The following BEST1 variants were observed in gnomAD, a reference collection of about 807,000 sequenced individuals.
The protein encoded by BEST1 is bestrophin 1.
In BEST1, 58 loss-of-function variants were observed where a neutral mutation model predicts 63.3. That is an observed-to-expected ratio of 0.92 (90% CI 0.74 to 1.14). BEST1 has a LOEUF of 1.14. Ranked by LOEUF, BEST1 falls within the 50% of genes most tolerant of loss-of-function variation. BEST1 has a pLI of 0.00. For synonymous variants in BEST1, 283 were observed against 291.6 expected (o/e 0.97, Z 0.30); for missense variants, 671 against 740.1 (o/e 0.91, Z 1.08).
intron 4 of BEST1, 30 bp downstream of exon 4, chr11:61,955,981 C>T (rs1364669662): frequency 2.6e-6 from 4 of 1,535,556 alleles, no homozygotes; most frequent in South Asian, 1.2e-5. Context: ...CGGGGAGGCA[C>T]CGGGCAGAGC....
intron 2 of BEST1, chr11:61,954,694 C>T: frequency 1.5e-6 from 1 of 670,248 alleles, no homozygotes; most frequent in Non-Finnish European, 1.8e-6. Context: ...AACTCTTGGT[C>T]CTGCCTTAGC....
downstream of BEST1, chr11:61,965,081 A>G: frequency 6.2e-7 from 1 of 1,607,822 alleles, no homozygotes; most frequent in Non-Finnish European, 8.5e-7. Context: ...CATTGCATTC[A>G]GCCCGCTCTC....
downstream of BEST1, chr11:61,964,701 C>G: frequency 6.3e-7 from 1 of 1,597,068 alleles, no homozygotes; most frequent in Non-Finnish European, 8.5e-7. Context: ...AGTCACCCCA[C>G]GGCTATGGGG....
Position 61,959,907 on chromosome 11 carries a change from G to A in BEST1, c.964G>A (p.Val322Met). The A allele has an allele frequency of 6.2e-7, 1 of 1,613,852 alleles. No individual in the cohort carries two copies. Among genetic ancestry groups the A allele is most frequent in the Non-Finnish European group, 8.5e-7 (1 of 1,179,890 alleles). The change falls in exon 9 of 11, where the codon GTG (valine) becomes ATG (methionine). Residue 322 changes from valine (V) to methionine (M), a missense_variant. Val to Met is a conservative substitution (Grantham distance 21). Coordinates refer to ENST00000378043, the MANE Select transcript of BEST1 (RefSeq NM_004183.4). The part of the protein sequence containing the change: ...DRNLQVSLLA[V>M]DEMHQDLPRM... ...TGGTGACCAGGTGTCCCTGTTGGCT[G>A]TGGATGAGATGCACCAGGACCTGCC... is the stretch of plus-strand genomic sequence containing the variant.
chr11:61,956,980 G>A lies in BEST1; in HGVS notation c.618G>A (p.Leu206=), dbSNP rs62641693. The change falls in exon 5 of 11, where the codon CTG becomes CTA. Residue 206 remains leucine, a synonymous_variant. Coordinates refer to ENST00000378043, the MANE Select transcript of BEST1 (RefSeq NM_004183.4). ...WLGGRIRDPI[L]LQSLLNEMNT... is the part of the protein sequence containing the mutation. ...GAGGTCGAATCCGGGACCCTATCCT[G>A]CTCCAGAGCCTGCTGAACGTGAGCC... The A allele has an allele frequency of 3.1e-3, 4,981 of 1,614,150 alleles. 112 individuals are homozygous for A. The African/African-American group carries it at 0.054, about 18-fold the overall frequency.
intron 2 of BEST1, among the ~76,000 whole-genome samples, chr11:61,953,544 T>C (rs1283678566): frequency 6.6e-6 from 1 of 152,150 alleles, no homozygotes; most frequent in Non-Finnish European, 1.5e-5. Flanking sequence ...ACCCAATCTC[T>C]ACTAAAAATA....
Position 61,964,190 on chromosome 11 carries a change from T to C in BEST1, c.*68T>C. On this transcript the variant is annotated 3_prime_UTR_variant, in exon 11 of 11. Coordinates refer to ENST00000378043, the MANE Select transcript of BEST1 (RefSeq NM_004183.4). ...TGTGTGTACACCAGCAGGACACTGA[T>C]CCAGTCACAGCCATACAGCTGTCCA... 1 of 1,610,998 alleles carries C rather than the reference T, an allele frequency of 6.2e-7. No homozygotes were observed. Among genetic ancestry groups the C allele is most frequent in the Non-Finnish European group, 8.5e-7 (1 of 1,179,018 alleles).
intron 2 of BEST1, chr11:61,954,791 G>A: frequency 1.0e-6 from 1 of 984,732 alleles, no homozygotes; most frequent in Non-Finnish European, 1.2e-6. Flanking sequence ...ACTGACCCTT[G>A]GCTGCATTCA....
chr11:61,954,923 G>A, intron 2 of BEST1, 184 bp from the exon 3 acceptor site: 1 of 985,396 alleles, frequency 1.0e-6, no homozygotes, highest in Non-Finnish European at 1.2e-6. Flanking sequence ...TCCTGTCCGG[G>A]TTTGGGGCTG....
chr11:61,957,328 C>T (rs775948567), intron 5 of BEST1, 59 bp from the exon 6 acceptor site: 83 of 1,500,574 alleles, frequency 5.5e-5, no homozygotes, highest in Middle Eastern at 1.7e-4. Flanking sequence ...GAGGTGGGGG[C>T]GAGCCCAGGG....
intron 7 of BEST1, 75 bp from the exon 8 acceptor site, chr11:61,959,423 A>G (rs1271870823): frequency 7.1e-7 from 1 of 1,410,892 alleles, no homozygotes; most frequent in Admixed American, 1.7e-5. Context: ...AAATAGCAGC[A>G]GCTGAGGTTT....
At position 61,955,209 on chromosome 11, in the gene BEST1, C is replaced by T. The variant is rs754401867; in HGVS notation, c.247+8C>T. The T allele has an allele frequency of 6.2e-7, 1 of 1,614,164 alleles. No individual in the cohort carries two copies. The highest frequency in any genetic ancestry group is 1.1e-5 in the South Asian group (1 of 91,080). ...CCATTTCCTTCGTGCTGGGTGAGTT[C>T]CCCCTTCTGGCTGTTCCGGGTCCCT... On this transcript the variant is annotated splice_region_variant and intron_variant, in intron 3 of 10. Coordinates refer to ENST00000378043, the MANE Select transcript of BEST1 (RefSeq NM_004183.4).
chr11:61,955,330 C>A, intron 3 of BEST1, 129 bp downstream of exon 3: 3 of 1,545,538 alleles, frequency 1.9e-6, no homozygotes, highest in Non-Finnish European at 2.6e-6. Flanking sequence ...GGCAGGTCGG[C>A]GCCTCTCTGT....
chr11:61,958,150 T>G lies in BEST1; in HGVS notation c.719T>G (p.Val240Gly). The G allele has an allele frequency of 1.0e-6, 1 of 964,234 alleles. No individual in the cohort carries two copies. The highest frequency in any genetic ancestry group is 1.5e-6 in the Non-Finnish European group (1 of 673,864). 59.7% of individuals were successfully genotyped at this position (964,234 alleles called of 1,614,324 possible). A position where few individuals can be genotyped will look rare whatever the true frequency, so the allele number is the denominator to read the frequency against. Residue 240 changes from valine (V) to glycine (G), a missense_variant, in exon 7 of 11, where the codon GTG becomes GGG. Val to Gly is a moderately radical substitution (Grantham distance 109). Coordinates refer to ENST00000378043, the MANE Select transcript of BEST1 (RefSeq NM_004183.4). ...ISIPLVYTQV[V>G]TVAVYSFFLT... ...ACATCCTCCTCCTCCTCCCAGGTGG[T>G]GACTGTGGCGGTGTACAGCTTCTTC... is the stretch of plus-strand genomic sequence containing the variant.
At chr11:61,958,912 ACACACACACACG>A (rs879848725) in intron 7 of BEST1, 12,792 of 226,964 alleles carry the variant, frequency 0.056, 1,927 homozygotes, top group South Asian at 0.25. Flanking sequence ...ACACATACAC[ACACACACACACG>A]CATTCCTATT....
chr11:61,955,612 G>A, intron 3 of BEST1, 106 bp from the exon 4 acceptor site: 4 of 1,308,162 alleles, frequency 3.1e-6, no homozygotes, highest in Non-Finnish European at 4.2e-6. Context: ...GGCTAGGCCC[G>A]CTCGCAGCAG....
Position 61,962,244 on chromosome 11 carries a change from T to C in BEST1, c.1101-11T>C, listed in dbSNP as rs578261494. Reference sequence around the variant, plus strand: ...CACTGGCTCAGCCCTGCATCTCCTGTTTCTTTCCAGCCTGAACAAAGAGGA... The same window carrying C: ...CACTGGCTCAGCCCTGCATCTCCTGCTTCTTTCCAGCCTGAACAAAGAGGA... On this transcript the variant is annotated splice_polypyrimidine_tract_variant and intron_variant, in intron 9 of 10. Transcript: ENST00000378043. 1 of 1,613,718 alleles carries C rather than the reference T, an allele frequency of 6.2e-7. No individual in the cohort carries two copies. Among genetic ancestry groups the C allele is most frequent in the African/African-American group, 1.3e-5 (1 of 75,038 alleles).
chr11:61,965,082 G>A (rs993374233), downstream of BEST1: 3 of 1,607,382 alleles, frequency 1.9e-6, no homozygotes, highest in African/African-American at 4.0e-5. Flanking sequence ...ATTGCATTCA[G>A]CCCGCTCTCC....
chr11:61,957,467 G>T lies in BEST1; in HGVS notation c.714+3G>T, dbSNP rs779217427. The T allele has an allele frequency of 2.7e-5, 44 of 1,613,880 alleles. No homozygotes were observed. The highest frequency in any genetic ancestry group is 3.7e-5 in the Non-Finnish European group (44 of 1,179,866). Reference sequence around the variant, plus strand: ...GTATCCCACTGGTGTATACACAGGTGAGGACTAGGCTGGTGAGGCTGCCCT... The same window carrying T: ...GTATCCCACTGGTGTATACACAGGTTAGGACTAGGCTGGTGAGGCTGCCCT... On this transcript the variant is annotated splice_donor_region_variant and intron_variant, in intron 6 of 10. Coordinates refer to ENST00000378043, the MANE Select transcript of BEST1 (RefSeq NM_004183.4).
Sources: gnomAD v4.1 joint callset for allele counts (sites outside exome capture counted in the v4.1 genomes callset) on GRCh38, gnomAD v4.1.1 for gene constraint, MANE v1.5 for transcripts, NCBI Gene and HGNC (gene_info 2026-07-23, HGNC 2026-07-21) for gene names.